Variants in GATAD2A observed in about 807,000 individuals in gnomAD.
GATAD2A encodes the protein transcriptional repressor p66-alpha.
GATAD2A carries 12 observed loss-of-function variants against 68.5 expected under a neutral mutation model. The observed-to-expected ratio is 0.18, with a 90% CI of 0.11 to 0.28. The LOEUF (loss-of-function observed/expected upper bound fraction) is 0.28, where lower values mean the gene tolerates loss of function less well. Ranked by LOEUF, GATAD2A falls within the 10% of genes least tolerant of loss-of-function variation. The pLI is 1.00. For synonymous variants in GATAD2A, 410 were observed against 375.3 expected, an observed-to-expected ratio of 1.09 and a Z score of -1.07; for missense variants, 755 against 868.5, an observed-to-expected ratio of 0.87 and a Z score of 1.64.
At chr19:19,419,685 T>G (rs537530464) in intron 1 of GATAD2A, among the ~76,000 whole-genome samples, 2 of 152,014 alleles carry the variant, frequency 1.3e-5, no homozygotes, top group African/African-American at 4.8e-5. Flanking sequence ...CCCAGCTAAT[T>G]TTTGTATTTT....
chr19:19,435,923 G>A (rs2054286502), intron 1 of GATAD2A, among the ~76,000 whole-genome samples: 3 of 152,184 alleles, frequency 2.0e-5, no homozygotes, highest in Admixed American at 2.0e-4. Context: ...GCGTTCATTG[G>A]TTAGCACTGT....
chr19:19,405,566 G>C (rs936752077), upstream of GATAD2A, among the ~76,000 whole-genome samples: 1 of 152,112 alleles, frequency 6.6e-6, no homozygotes, highest in East Asian at 1.9e-4. Context: ...CGGTGCTTCC[G>C]GGGCGGTACC....
At chr19:19,425,944 C>T (rs572988068) in intron 1 of GATAD2A, among the ~76,000 whole-genome samples, 6 of 152,216 alleles carry the variant, frequency 3.9e-5, no homozygotes, top group South Asian at 2.1e-4. Flanking sequence ...TGCTCCGCCA[C>T]GCCTGGCTAA....
upstream of GATAD2A, among the ~76,000 whole-genome samples, chr19:19,402,771 T>C (rs113460678): frequency 2.0e-5 from 3 of 149,524 alleles, no homozygotes; most frequent in Non-Finnish European, 3.0e-5. Context: ...GTTTTTGTTT[T>C]TTTGATTTTT....
chr19:19,411,415 G>A (rs1287990349), intron 1 of GATAD2A, among the ~76,000 whole-genome samples: 2 of 152,206 alleles, frequency 1.3e-5, no homozygotes, highest in East Asian at 3.9e-4. Context: ...GGGCAGATCT[G>A]TCATGGGAGC....
At chr19:19,441,552 G>C (rs543309199) in intron 1 of GATAD2A, 12 of 155,778 alleles carry the variant, frequency 7.7e-5, no homozygotes, top group African/African-American at 2.9e-4. Context: ...TTTAAATTTG[G>C]GTTTGTTTTT....
At chr19:19,481,683 C>T (rs2059073373) in intron 2 of GATAD2A, among the ~76,000 whole-genome samples, 1 of 152,200 alleles carries the variant, frequency 6.6e-6, no homozygotes, top group Non-Finnish European at 1.5e-5. Flanking sequence ...GTTATCATTT[C>T]TTGATAGAGT....
At chr19:19,450,743 TAAAA>T (rs3031870) in intron 1 of GATAD2A, among the ~76,000 whole-genome samples, 1 of 125,124 alleles carries the variant, frequency 8.0e-6, no homozygotes, top group African/African-American at 3.0e-5. Flanking sequence ...CTCATTACAT[TAAAA>T]AAAAAAAAAA....
chr19:19,409,880 C>T (rs1457031128), intron 1 of GATAD2A, among the ~76,000 whole-genome samples: 4 of 152,146 alleles, frequency 2.6e-5, no homozygotes, highest in Non-Finnish European at 5.9e-5. Context: ...TTGTGCTTTC[C>T]AGACTATATT....
chr19:19,426,632 T>G (rs1425606790), intron 1 of GATAD2A, among the ~76,000 whole-genome samples: 1 of 152,174 alleles, frequency 6.6e-6, no homozygotes, highest in Admixed American at 6.5e-5. Context: ...TGCCTCAGCC[T>G]CCCGAGTAGC....
chr19:19,412,640 A>G (rs1269117419), intron 1 of GATAD2A, among the ~76,000 whole-genome samples: 1 of 151,712 alleles, frequency 6.6e-6, no homozygotes, highest in East Asian at 1.9e-4. Flanking sequence ...TGCGGGGGGG[A>G]TAAAAAAGGT....
intron 1 of GATAD2A, among the ~76,000 whole-genome samples, chr19:19,442,288 C>T (rs915032013): frequency 1.3e-5 from 2 of 152,110 alleles, no homozygotes; most frequent in Non-Finnish European, 2.9e-5. Context: ...ATGGGGCAAG[C>T]GAGAGTGAAC....
At chr19:19,405,090 C>T (rs2050066044), upstream of GATAD2A, among the ~76,000 whole-genome samples, 1 of 152,128 alleles carries the variant, frequency 6.6e-6, no homozygotes, top group Admixed American at 6.6e-5. Context: ...CACCTTCTCC[C>T]TGAGGCACGA....
chr19:19,430,089 G>A (rs149053817), intron 1 of GATAD2A, among the ~76,000 whole-genome samples: 34 of 152,182 alleles, frequency 2.2e-4, no homozygotes, highest in Non-Finnish European at 4.0e-4. Flanking sequence ...TGGGCCTTAT[G>A]GTCTCTGTTG....
chr19:19,420,593 G>A (rs1202124278), intron 1 of GATAD2A, among the ~76,000 whole-genome samples: 1 of 151,624 alleles, frequency 6.6e-6, no homozygotes, highest in South Asian at 2.1e-4. Context: ...GCCCGCCTTG[G>A]CCTCCGAAAG....
upstream of GATAD2A, among the ~76,000 whole-genome samples, chr19:19,404,553 G>A (rs1420869567): frequency 1.3e-5 from 2 of 152,004 alleles, no homozygotes; most frequent in Non-Finnish European, 2.9e-5. Flanking sequence ...GTGATGGAAC[G>A]CGCCTGTAAT....
In GATAD2A at chr19:19,506,719, A is replaced by G. The variant is rs2144588762; in HGVS notation, c.*1245A>G. The G allele has an allele frequency of 6.6e-6, 1 of 152,144 alleles. No individual in the cohort carries two copies. The highest frequency in any genetic ancestry group is 2.4e-5 in the African/African-American group (1 of 41,490). 9.4% of individuals were successfully genotyped at this position (152,144 alleles called of 1,614,324 possible). On this transcript the variant is annotated 3_prime_UTR_variant, in exon 12 of 12. Coordinates refer to ENST00000683918, the MANE Select transcript of GATAD2A (RefSeq NM_001384528.1). ...GTTTCTTTCCCGTCCCACTCTTTAAAAACTGGTTCCGTGAGGAAAGGCAGA... is the reference window on the plus strand; with the variant it reads ...GTTTCTTTCCCGTCCCACTCTTTAAGAACTGGTTCCGTGAGGAAAGGCAGA...
chr19:19,499,340 C>T (rs2148470790), intron 8 of GATAD2A, among the ~76,000 whole-genome samples: 1 of 152,284 alleles, frequency 6.6e-6, no homozygotes, highest in South Asian at 2.1e-4. Flanking sequence ...TTTCTGCCCA[C>T]AGGTTGAGGT....
chr19:19,453,599 A>T (rs1368802855), intron 1 of GATAD2A, among the ~76,000 whole-genome samples: 1 of 152,114 alleles, frequency 6.6e-6, no homozygotes, highest in Non-Finnish European at 1.5e-5. Context: ...GGATTCAAGC[A>T]GTCCTTCCAC....
Sources: gnomAD v4.1 joint callset for allele counts (sites outside exome capture counted in the v4.1 genomes callset) on GRCh38, gnomAD v4.1.1 for gene constraint, MANE v1.5 for transcripts, NCBI Gene and HGNC (gene_info 2026-07-23, HGNC 2026-07-21) for gene names.